GRAMD1C: variants seen among roughly 807,000 people sequenced by gnomAD.
GRAMD1C encodes the protein protein Aster-C.
GRAMD1C carries 89 observed loss-of-function variants against 97.8 expected under a neutral mutation model. That is an observed-to-expected ratio of 0.91 (90% CI 0.77 to 1.09). The LOEUF (loss-of-function observed/expected upper bound fraction) is 1.09. GRAMD1C is among the 50% of genes least tolerant of loss of function. The pLI, the probability that GRAMD1C is intolerant of heterozygous loss-of-function variation, is 0.00. For synonymous variants in GRAMD1C, 256 were observed against 267.0 expected (o/e 0.96, Z 0.40); for missense variants, 740 against 766.4 (o/e 0.97, Z 0.41).
chr3:113,903,343 C>T (rs961313299), intron 7 of GRAMD1C, among the ~76,000 whole-genome samples: 1 of 152,094 alleles, frequency 6.6e-6, no homozygotes, highest in Non-Finnish European at 1.5e-5. Context: ...TCCTGTTCTT[C>T]AGTCTCTGAA....
intron 6 of GRAMD1C, among the ~76,000 whole-genome samples, chr3:113,889,487 G>A (rs562364020): frequency 5.9e-5 from 9 of 152,254 alleles, no homozygotes; most frequent in South Asian, 2.1e-4. Flanking sequence ...TGAAATTAGC[G>A]GTGATGGTTG....
At chr3:113,930,623 A>G (rs1398418863) in intron 10 of GRAMD1C, 91 bp from the exon 11 acceptor site, 33 of 705,598 alleles carry the variant, frequency 4.7e-5, no homozygotes, top group Non-Finnish European at 9.9e-6. Context: ...AAAAATAGAA[A>G]TTTTAATAAT....
intron 6 of GRAMD1C, among the ~76,000 whole-genome samples, chr3:113,892,990 G>C (rs952937846): frequency 6.6e-6 from 1 of 151,990 alleles, no homozygotes; most frequent in Non-Finnish European, 1.5e-5. Flanking sequence ...ATGACATGTG[G>C]CAATTATATG....
intron 2 of GRAMD1C, among the ~76,000 whole-genome samples, chr3:113,847,332 A>AT (rs1200933118): frequency 9.2e-5 from 14 of 152,364 alleles, no homozygotes; most frequent in Admixed American, 7.2e-4. Flanking sequence ...AATATAACAT[A>AT]TGAAACCATG....
rs114648459 is a variant in GRAMD1C at position 113,877,511 on chromosome 3, A to G, written c.459+1251A>G. Reference sequence around the variant, plus strand: ...TTTTCTTGACTTTTATGTCCTTGATACTTTTAAAGTTTACAGGTCAGTTAT... The same window carrying G: ...TTTTCTTGACTTTTATGTCCTTGATGCTTTTAAAGTTTACAGGTCAGTTAT... On this transcript the variant is annotated intron_variant, in intron 5 of 17. Coordinates refer to ENST00000358160, the MANE Select transcript of GRAMD1C (RefSeq NM_017577.5). 7.5e-3 allele frequency among the ~76,000 whole-genome samples: 1,149 copies of G among 152,216 alleles called. 20 individuals carry two copies. The highest frequency in any genetic ancestry group is 0.026 in the African/African-American group (1,081 of 41,536).
chr3:113,847,211 T>A (rs112823796), intron 2 of GRAMD1C, among the ~76,000 whole-genome samples: 4 of 152,364 alleles, frequency 2.6e-5, no homozygotes, highest in African/African-American at 7.2e-5. Flanking sequence ...TTATATTTTT[T>A]AATTTTTTTA....
At chr3:113,892,244 G>T (rs1444579793) in intron 6 of GRAMD1C, among the ~76,000 whole-genome samples, 1 of 152,082 alleles carries the variant, frequency 6.6e-6, no homozygotes, top group Non-Finnish European at 1.5e-5. Context: ...GGCTGAGGTG[G>T]GCTGACCACC....
At chr3:113,863,334 C>T in intron 2 of GRAMD1C, among the ~76,000 whole-genome samples, 1 of 152,082 alleles carries the variant, frequency 6.6e-6, no homozygotes. Flanking sequence ...AGGCTACAGA[C>T]ACAAAGGGCC....
chr3:113,904,080 C>G, intron 7 of GRAMD1C, 60 bp from the exon 8 acceptor site: 2 of 1,354,724 alleles, frequency 1.5e-6, no homozygotes, highest in Non-Finnish European at 2.1e-6. Context: ...AGTGAGGAGA[C>G]CAAATCATTT....
intron 9 of GRAMD1C, chr3:113,913,181 G>T (rs1375867536): frequency 7.5e-6 from 7 of 933,698 alleles, no homozygotes; most frequent in African/African-American, 3.4e-5. Flanking sequence ...CCAAAACCAG[G>T]ATTTTTGTTT....
intron 6 of GRAMD1C, among the ~76,000 whole-genome samples, chr3:113,891,697 G>C (rs1476649700): frequency 1.3e-5 from 2 of 148,848 alleles, no homozygotes; most frequent in Non-Finnish European, 3.0e-5. Context: ...GGGCAACATA[G>C]AGAGACCCCA....
chr3:113,930,330 G>C (rs1050017597), intron 10 of GRAMD1C, among the ~76,000 whole-genome samples: 2 of 152,096 alleles, frequency 1.3e-5, no homozygotes, highest in Non-Finnish European at 2.9e-5. Context: ...TTAAAGTTTT[G>C]TCCTCAGTGA....
chr3:113,856,802 G>A (rs1353384748), intron 2 of GRAMD1C, among the ~76,000 whole-genome samples: 1 of 150,568 alleles, frequency 6.6e-6, no homozygotes, highest in Non-Finnish European at 1.5e-5. Flanking sequence ...GCATCCCAAA[G>A]TGTTGGGATT....
In GRAMD1C at chr3:113,844,525, G is replaced by A. The variant is rs1239734609; in HGVS notation, c.50G>A (p.Ser17Asn). ...CAGGTGATGAATGAAGGGGATTCAAGCCTTGCCACCGACTTACAGGAAGAT... is the reference window on the plus strand; with the variant it reads ...CAGGTGATGAATGAAGGGGATTCAAACCTTGCCACCGACTTACAGGAAGAT... Reference protein sequence around the residue: ...VRQVMNEGDSSLATDLQEDVE... With the variant: ...VRQVMNEGDSNLATDLQEDVE... The change falls in exon 2 of 18, where the codon AGC (serine) becomes AAC (asparagine). Residue 17 changes from serine (S) to asparagine (N), a missense_variant. Coordinates refer to ENST00000358160, the MANE Select transcript of GRAMD1C (RefSeq NM_017577.5). The A allele has an allele frequency of 1.2e-6, 2 of 1,604,072 alleles. No individual in the cohort carries two copies. Among genetic ancestry groups the A allele is most frequent in the Non-Finnish European group, 1.7e-6 (2 of 1,172,782 alleles).
At chr3:113,859,971 T>C (rs748759542) in intron 2 of GRAMD1C, among the ~76,000 whole-genome samples, 1 of 152,142 alleles carries the variant, frequency 6.6e-6, no homozygotes, top group Non-Finnish European at 1.5e-5. Context: ...ATCCTTAACA[T>C]GAAATTAAGA....
chr3:113,865,149 CA>C (rs771994614), intron 2 of GRAMD1C, among the ~76,000 whole-genome samples: 1 of 152,070 alleles, frequency 6.6e-6, no homozygotes, highest in Non-Finnish European at 1.5e-5. Context: ...GCATGAGAGG[CA>C]ACCTTGGTTT....
chr3:113,833,152 G>A lies in GRAMD1C; in HGVS notation n.98+4873G>A, dbSNP rs145380950. ...TTTTTTTTTGTGTGTGTGCGTGTGT[G>A]TGTGTGACGAGTTTTGCTCTTGTTT... On this transcript the variant is annotated intron_variant and non_coding_transcript_variant, in intron 1 of 18. Coordinates refer to the GRAMD1C transcript ENST00000479212. Among the ~76,000 whole-genome samples, 414 of 132,548 alleles carry A rather than the reference G, an allele frequency of 3.1e-3. 5 individuals are homozygous for A. Among genetic ancestry groups the A allele is most frequent in the African/African-American group, 0.011 (395 of 35,418 alleles). 87.0% of individuals were successfully genotyped at this position (132,548 alleles called of 152,430 possible). A position where few individuals can be genotyped will look rare whatever the true frequency, so the allele number is the denominator to read the frequency against.
chr3:113,838,779 G>T, upstream of GRAMD1C: 2 of 533,594 alleles, frequency 3.7e-6, no homozygotes. Flanking sequence ...AGGAGCTGCG[G>T]CTGGAAGTAC....
chr3:113,869,077 T>C (rs1159242020), intron 2 of GRAMD1C, among the ~76,000 whole-genome samples: 1 of 152,104 alleles, frequency 6.6e-6, no homozygotes, highest in Non-Finnish European at 1.5e-5. Flanking sequence ...TTTCATGATC[T>C]GTTCCCACCC....
Sources: gnomAD v4.1 joint callset for allele counts (sites outside exome capture counted in the v4.1 genomes callset) on GRCh38, gnomAD v4.1.1 for gene constraint, MANE v1.5 for transcripts, NCBI Gene and HGNC (gene_info 2026-07-23, HGNC 2026-07-21) for gene names.